Variants in NELL2 observed in about 807,000 individuals in gnomAD.
The protein encoded by NELL2 is protein kinase C-binding protein NELL2.
Under a neutral mutation model 109.6 loss-of-function variants are expected in NELL2, and 41 were observed. That is an observed-to-expected ratio of 0.37 (90% CI 0.29 to 0.49). The LOEUF (loss-of-function observed/expected upper bound fraction) is 0.49, where lower values mean the gene tolerates loss of function less well. Ranked by LOEUF, NELL2 falls within the 20% of genes least tolerant of loss-of-function variation. NELL2 has a pLI of 0.98. For synonymous variants in NELL2, 355 were observed against 344.7 expected, an observed-to-expected ratio of 1.03 and a Z score of -0.33; for missense variants, 900 against 1,008.3, an observed-to-expected ratio of 0.89 and a Z score of 1.45.
chr12:44,768,265 T>G (rs1941411958), intron 9 of NELL2, among the ~76,000 whole-genome samples: 1 of 152,130 alleles, frequency 6.6e-6, no homozygotes, highest in Non-Finnish European at 1.5e-5. Context: ...GGACATCATT[T>G]TTTATAATGT....
chr12:44,882,519 C>T (rs1945425899), intron 1 of NELL2, among the ~76,000 whole-genome samples: 1 of 151,378 alleles, frequency 6.6e-6, no homozygotes, highest in Admixed American at 6.6e-5. Context: ...CACACACGCA[C>T]ACATACATAT....
chr12:44,621,232 A>G (rs1946047086), intron 13 of NELL2, among the ~76,000 whole-genome samples: 3 of 152,082 alleles, frequency 2.0e-5, no homozygotes, highest in Admixed American at 6.5e-5. Flanking sequence ...CTCAGATCAC[A>G]CAAAACTCCT....
chr12:44,678,064 G>A (rs1284332604), intron 12 of NELL2, among the ~76,000 whole-genome samples: 1 of 152,016 alleles, frequency 6.6e-6, no homozygotes, highest in Non-Finnish European at 1.5e-5. Context: ...GGTAGAGGAT[G>A]TAGAATGAGC....
chr12:44,815,875 C>A, intron 3 of NELL2, 111 bp downstream of exon 3: 1 of 1,258,576 alleles, frequency 7.9e-7, no homozygotes, highest in Non-Finnish European at 1.1e-6. Context: ...CCTCGGCTTC[C>A]CAAATCATAA....
At position 44,521,292 on chromosome 12, in the gene NELL2, AG is replaced by A. The variant is rs200938621; in HGVS notation, c.2175+707del. Among the ~76,000 whole-genome samples, 766 of 152,230 alleles carry A rather than the reference AG, an allele frequency of 5.0e-3. 5 individuals are homozygous for A. Among genetic ancestry groups the A allele is most frequent in the Middle Eastern group, 0.037 (11 of 294 alleles). On this transcript the variant is annotated intron_variant, in intron 18 of 19. Transcript: ENST00000429094. ...ACAATCTTTAGAAGGTTGCTTTGGGAGGCCGAGGCGGGCGGATCACGAGGTC... is the reference window on the plus strand; with the variant it reads ...ACAATCTTTAGAAGGTTGCTTTGGGAGCCGAGGCGGGCGGATCACGAGGTC...
intron 13 of NELL2, among the ~76,000 whole-genome samples, chr12:44,628,612 A>T (rs1052811245): frequency 2.0e-5 from 3 of 151,954 alleles, no homozygotes; most frequent in African/African-American, 7.3e-5. Flanking sequence ...ATCCCTCAGG[A>T]CCCCAGTGAG....
At chr12:44,820,679 A>G (rs1005378786) in intron 2 of NELL2, among the ~76,000 whole-genome samples, 5 of 152,112 alleles carry the variant, frequency 3.3e-5, no homozygotes, top group African/African-American at 1.2e-4. Context: ...AGCAAAAGGT[A>G]AAAGAAAGGA....
At chr12:44,902,115 C>T (rs533200966) in intron 1 of NELL2, among the ~76,000 whole-genome samples, 1 of 152,346 alleles carries the variant, frequency 6.6e-6, no homozygotes, top group East Asian at 1.9e-4. Flanking sequence ...CAAATTGTCT[C>T]TGTTTGCAGA....
intron 2 of NELL2, among the ~76,000 whole-genome samples, chr12:44,870,588 G>A (rs1304716609): frequency 6.6e-6 from 1 of 152,124 alleles, no homozygotes; most frequent in East Asian, 1.9e-4. Context: ...TCCTTCTGGA[G>A]GCTGTAAGAG....
At chr12:44,617,066 G>A (rs1404677630) in intron 13 of NELL2, among the ~76,000 whole-genome samples, 2 of 152,010 alleles carry the variant, frequency 1.3e-5, no homozygotes, top group Admixed American at 1.3e-4. Context: ...AGAAAAAAGT[G>A]GTACTCCTTC....
intron 15 of NELL2, among the ~76,000 whole-genome samples, chr12:44,551,638 T>C (rs960932544): frequency 1.3e-5 from 2 of 152,090 alleles, no homozygotes; most frequent in Admixed American, 6.6e-5. Flanking sequence ...CAACAAAAAC[T>C]GGAAAACTCA....
At chr12:44,882,793 G>T (rs1168210529) in intron 1 of NELL2, among the ~76,000 whole-genome samples, 2 of 147,880 alleles carry the variant, frequency 1.4e-5, no homozygotes, top group Non-Finnish European at 3.0e-5. Context: ...CTCCCAAACT[G>T]CTGGGATTAC....
chr12:44,909,263 A>G (rs117451959), intron 1 of NELL2, among the ~76,000 whole-genome samples: 1,596 of 152,122 alleles, frequency 0.01, 31 homozygotes, highest in East Asian at 0.047. Context: ...TAGAAAAATC[A>G]GTAACATTCC....
chr12:44,623,145 G>C (rs186284280), intron 13 of NELL2, among the ~76,000 whole-genome samples: 1 of 152,004 alleles, frequency 6.6e-6, no homozygotes, highest in Non-Finnish European at 1.5e-5. Flanking sequence ...GATGAGTAAG[G>C]CAGAATTCTC....
At chr12:44,645,878 G>T (rs1947077194) in intron 13 of NELL2, among the ~76,000 whole-genome samples, 1 of 152,002 alleles carries the variant, frequency 6.6e-6, no homozygotes, top group Non-Finnish European at 1.5e-5. Context: ...GTATATTATA[G>T]TATATTATAC....
At chr12:44,809,242 A>G (rs990246648) in intron 3 of NELL2, among the ~76,000 whole-genome samples, 4 of 152,042 alleles carry the variant, frequency 2.6e-5, no homozygotes, top group Non-Finnish European at 5.9e-5. Context: ...AATTTTCAAT[A>G]AATTTCTTTT....
rs79892770 is a variant in NELL2, at chr12:44,777,708, T to G, written c.607-394A>C. ...ATTGATACCAATTTTAAATTAACTT[T>G]AATTATTAAAGAAAAGGATAGAAAA... On this transcript the variant is annotated intron_variant, in intron 5 of 19. Transcript: ENST00000429094. Among the ~76,000 whole-genome samples, 1,410 of 152,292 alleles carry G rather than the reference T, an allele frequency of 9.3e-3. 18 individuals are homozygous for G. The highest frequency in any genetic ancestry group is 0.032 in the African/African-American group (1,310 of 41,562).
chr12:44,874,724 C>G (rs1394268026), intron 2 of NELL2, among the ~76,000 whole-genome samples: 2 of 152,062 alleles, frequency 1.3e-5, no homozygotes, highest in Non-Finnish European at 1.5e-5. Flanking sequence ...TAAATTTTGC[C>G]TCAAATATAC....
intron 15 of NELL2, among the ~76,000 whole-genome samples, chr12:44,584,585 C>A (rs188306990): frequency 1.1e-3 from 169 of 152,286 alleles, no homozygotes; most frequent in African/African-American, 3.7e-3. Flanking sequence ...TTATTTAATT[C>A]ATGTTTTACT....
Sources: gnomAD v4.1 joint callset for allele counts (sites outside exome capture counted in the v4.1 genomes callset) on GRCh38, gnomAD v4.1.1 for gene constraint, MANE v1.5 for transcripts, NCBI Gene and HGNC (gene_info 2026-07-23, HGNC 2026-07-21) for gene names.